Variants in CLSTN1 observed in about 807,000 individuals in gnomAD.
CLSTN1 encodes calsyntenin 1.
CLSTN1 carries 28 observed loss-of-function variants against 108.3 expected under a neutral mutation model. That is an observed-to-expected ratio of 0.26 (90% CI 0.19 to 0.35). CLSTN1 has a LOEUF of 0.35. Among genes scored for constraint, CLSTN1 ranks in the 10% least tolerant of loss-of-function variants. CLSTN1 has a pLI of 1.00. For synonymous variants in CLSTN1, 524 were observed against 534.9 expected (o/e 0.98, Z 0.28); for missense variants, 1,157 against 1,302.6 (o/e 0.89, Z 1.72).
chr1:9,773,363 G>A lies in CLSTN1; in HGVS notation c.123C>T (p.Thr41=), dbSNP rs1333137063. The change falls in exon 2 of 19, where the codon ACC becomes ACT. Residue 41 remains threonine (T), a synonymous_variant. Transcript: ENST00000377298. ...VNKHKPWLEP[T]YHGIVTENDN... Reference sequence around the variant, plus strand: ...CGTTCTCTGTGACTATGCCGTGGTAGGTGGGCTCCAGCCAGGGCTTGTGCT... The same window carrying A: ...CGTTCTCTGTGACTATGCCGTGGTAAGTGGGCTCCAGCCAGGGCTTGTGCT... The A allele has an allele frequency of 1.2e-6, 2 of 1,613,866 alleles. No homozygotes were observed. The highest frequency in any genetic ancestry group is 1.7e-6 in the Non-Finnish European group (2 of 1,179,944).
intron 1 of CLSTN1, among the ~76,000 whole-genome samples, chr1:9,807,679 G>C (rs1205168226): frequency 6.6e-6 from 1 of 152,194 alleles, no homozygotes; most frequent in Non-Finnish European, 1.5e-5. Flanking sequence ...TGCAGAGGCG[G>C]CTGCTTGCAG....
chr1:9,733,092 G>A (rs907291531), intron 16 of CLSTN1, among the ~76,000 whole-genome samples: 1 of 152,134 alleles, frequency 6.6e-6, no homozygotes, highest in Non-Finnish European at 1.5e-5. Flanking sequence ...AGAAGCCCCA[G>A]AGGCATTAAC....
rs1192862588 is a variant in CLSTN1 at position 9,823,136 on chromosome 1, T to G, written c.91+507A>C. 6.6e-6 allele frequency among the ~76,000 whole-genome samples: 1 copy of G among 152,200 alleles called. No homozygotes were observed. Among genetic ancestry groups the G allele is most frequent in the African/African-American group, 2.4e-5 (1 of 41,458 alleles). On this transcript the variant is annotated intron_variant, in intron 1 of 18. Coordinates refer to ENST00000377298, the MANE Select transcript of CLSTN1 (RefSeq NM_001009566.3). This position sits in a 1 kb window ranked among gnomAD's most constrained non-coding sequence, Gnocchi z 6.3. ...CAGAATCGGGATCTTGGAAACGGGA[T>G]GCGGAGGAGTGGGCTCTTATGTAAG...
intron 1 of CLSTN1, among the ~76,000 whole-genome samples, chr1:9,817,538 G>T (rs1655021757): frequency 1.3e-5 from 2 of 152,056 alleles, no homozygotes; most frequent in South Asian, 4.2e-4. Flanking sequence ...ATGTTGGTCA[G>T]GCTGGTCCCG....
chr1:9,755,722 G>C (rs1006466163), intron 3 of CLSTN1, among the ~76,000 whole-genome samples: 1 of 151,988 alleles, frequency 6.6e-6, no homozygotes, highest in Non-Finnish European at 1.5e-5. Flanking sequence ...CCAGAGAGAA[G>C]CTAAAACGCA....
chr1:9,761,388 G>C (rs775502308), intron 2 of CLSTN1, among the ~76,000 whole-genome samples: 1 of 152,086 alleles, frequency 6.6e-6, no homozygotes, highest in Non-Finnish European at 1.5e-5. Flanking sequence ...GGCTACTTGG[G>C]AGCCTAAGGT....
intron 1 of CLSTN1, among the ~76,000 whole-genome samples, chr1:9,818,777 CTTTTTTTTTTTTTTT>C (rs1156483241): frequency 3.1e-5 from 3 of 98,076 alleles, no homozygotes; most frequent in African/African-American, 9.7e-5. Context: ...TCAAGCAACT[CTTTTTTTTTTTTTTT>C]TTTTTTTTTT....
chr1:9,786,765 T>C (rs1653514524), intron 1 of CLSTN1, among the ~76,000 whole-genome samples: 1 of 150,708 alleles, frequency 6.6e-6, no homozygotes, highest in African/African-American at 2.4e-5. Context: ...CCAGGCGGTC[T>C]ATGGCTGGGC....
At position 9,741,075 on chromosome 1, in the gene CLSTN1, G is replaced by C. The variant is rs368750889; in HGVS notation, c.1519+19C>G. 6 of 1,605,724 alleles carry C rather than the reference G, an allele frequency of 3.7e-6. No homozygotes were observed. Among genetic ancestry groups the C allele is most frequent in the Middle Eastern group, 1.9e-4 (1 of 5,296 alleles). On this transcript the variant is annotated intron_variant, in intron 10 of 18. Transcript: ENST00000377298. Reference sequence around the variant, plus strand: ...ACAACTTAATTCTCGAGTCGAGGGCGGGGGGTAATGACAGGTACCTTGCCA... The same window carrying C: ...ACAACTTAATTCTCGAGTCGAGGGCCGGGGGTAATGACAGGTACCTTGCCA...
In CLSTN1 at chr1:9,731,196, C is replaced by A; in HGVS notation, c.2748+10G>T. On this transcript the variant is annotated intron_variant, in intron 18 of 18. Coordinates refer to ENST00000377298, the MANE Select transcript of CLSTN1 (RefSeq NM_001009566.3). ...CCTCTCAGTCCTGGAGGTCGCCCGC[C>A]CACTCCTACCTCCATGGGGTTGACG... 1.9e-6 allele frequency: 3 copies of A among 1,614,148 alleles called. No homozygotes were observed. The highest frequency in any genetic ancestry group is 2.5e-6 in the Non-Finnish European group (3 of 1,180,032).
At chr1:9,766,906 C>T (rs2101141297) in intron 2 of CLSTN1, among the ~76,000 whole-genome samples, 1 of 152,306 alleles carries the variant, frequency 6.6e-6, no homozygotes, top group East Asian at 1.9e-4. Flanking sequence ...GACTAAGCTC[C>T]CAGCATTGCA....
intron 2 of CLSTN1, among the ~76,000 whole-genome samples, chr1:9,768,475 T>G (rs1570470188): frequency 1.6e-5 from 1 of 63,796 alleles, no homozygotes; most frequent in Non-Finnish European, 3.0e-5. Flanking sequence ...AGCGGCACAA[T>G]GGGGGTGGGG....
intron 2 of CLSTN1, among the ~76,000 whole-genome samples, chr1:9,758,681 T>C (rs1474093711): frequency 6.6e-6 from 1 of 152,220 alleles, no homozygotes; most frequent in Non-Finnish European, 1.5e-5. Flanking sequence ...TAGGTAGCTA[T>C]AGTTTATTCA....
Position 9,730,578 on chromosome 1 carries a change from T to TC in CLSTN1, c.2875dup (p.Glu959GlyfsTer18). On this transcript the variant is annotated frameshift_variant, in exon 19 of 19. Transcript: ENST00000377298. LOFTEE classifies it high-confidence loss of function. The surrounding 1 kb of genome is among the most constrained non-coding windows in gnomAD (Gnocchi z 5.6). ...GGTTGCGTTCTGGGGGTCGCCCTGC[T>TC]CCCCCTCCTCCTCCTCGCTGCTCTC... 1 of 1,608,818 alleles carries TC rather than the reference T, an allele frequency of 6.2e-7. No homozygotes were observed.
rs905304782 is a variant in CLSTN1 at position 9,729,971 on chromosome 1, A to G, written c.*537T>C. 1 of 159,840 alleles carries G rather than the reference A, an allele frequency of 6.3e-6. No individual in the cohort carries two copies. Among genetic ancestry groups the G allele is most frequent in the East Asian group, 1.8e-4 (1 of 5,554 alleles). 9.9% of individuals were successfully genotyped at this position (159,840 alleles called of 1,614,324 possible). Reference sequence around the variant, plus strand: ...ACTTTACATTCCAGTCCCGGGTTACACTAGCACAAAGGACACAAGGAATCC... The same window carrying G: ...ACTTTACATTCCAGTCCCGGGTTACGCTAGCACAAAGGACACAAGGAATCC... On this transcript the variant is annotated 3_prime_UTR_variant, in exon 19 of 19. Coordinates refer to ENST00000377298, the MANE Select transcript of CLSTN1 (RefSeq NM_001009566.3).
At chr1:9,758,560 C>T (rs931600987) in intron 2 of CLSTN1, among the ~76,000 whole-genome samples, 3 of 152,034 alleles carry the variant, frequency 2.0e-5, no homozygotes, top group East Asian at 1.9e-4. Context: ...GTGATCCGCC[C>T]GCCTCCGCCT....
At chr1:9,784,150 C>T (rs1008565024) in intron 1 of CLSTN1, among the ~76,000 whole-genome samples, 3 of 137,374 alleles carry the variant, frequency 2.2e-5, no homozygotes, top group Non-Finnish European at 4.6e-5. Flanking sequence ...CCAGCCTGGG[C>T]GACAGGAGCG....
At chr1:9,770,496 C>T (rs1570472708) in intron 2 of CLSTN1, among the ~76,000 whole-genome samples, 1 of 152,348 alleles carries the variant, frequency 6.6e-6, no homozygotes, top group South Asian at 2.1e-4. Flanking sequence ...GCAGCTGTCC[C>T]GCCTGGGCTG....
chr1:9,748,417 G>C (rs1260927576), intron 7 of CLSTN1, among the ~76,000 whole-genome samples: 1 of 152,202 alleles, frequency 6.6e-6, no homozygotes, highest in Non-Finnish European at 1.5e-5. Flanking sequence ...GAGATTCTAA[G>C]TTAGATGTGG....
Sources: allele counts gnomAD v4.1 joint callset (sites outside exome capture counted in the v4.1 genomes callset), GRCh38; gene constraint gnomAD v4.1.1; non-coding constraint Gnocchi (gnomAD v3.1); transcripts MANE v1.5; gene names NCBI Gene and HGNC (gene_info 2026-07-23, HGNC 2026-07-21).